Variants in FBXL20 observed in about 807,000 individuals in gnomAD.
The protein encoded by FBXL20 is F-box/LRR-repeat protein 20.
FBXL20 carries 11 observed loss-of-function variants against 64.0 expected under a neutral mutation model. The observed-to-expected ratio is 0.17, with a 90% CI of 0.11 to 0.28. The LOEUF (loss-of-function observed/expected upper bound fraction) is 0.28, where lower values mean the gene tolerates loss of function less well. FBXL20 is among the 10% of genes least tolerant of loss of function. The probability of loss-of-function intolerance (pLI) is 1.00; values close to 1 mark genes in which losing one functional copy is unlikely to be tolerated. For synonymous variants in FBXL20, 184 were observed against 189.0 expected (o/e 0.97, Z 0.22); for missense variants, 303 against 526.2 (o/e 0.58, Z 4.15).
At chr17:39,297,424 G>A (rs2047096196) in intron 5 of FBXL20, 2 of 296,024 alleles carry the variant, frequency 6.8e-6, no homozygotes, top group African/African-American at 2.2e-5. Context: ...TTGGTGAGAA[G>A]TAATCGCGGT....
chr17:39,322,890 C>T (rs1036005628), intron 2 of FBXL20, among the ~76,000 whole-genome samples: 2 of 151,956 alleles, frequency 1.3e-5, no homozygotes, highest in Admixed American at 6.6e-5. Context: ...CTGCAAGCTC[C>T]GCCTCCCGGG....
chr17:39,308,989 G>C (rs1007412881), intron 2 of FBXL20, among the ~76,000 whole-genome samples: 8 of 152,138 alleles, frequency 5.3e-5, no homozygotes, highest in African/African-American at 1.9e-4. Context: ...GTGCCACCAC[G>C]CCTGACTAAT....
At chr17:39,400,188 AG>A (rs1465863269) in intron 1 of FBXL20, among the ~76,000 whole-genome samples, 1 of 152,232 alleles carries the variant, frequency 6.6e-6, no homozygotes, top group African/African-American at 2.4e-5. Flanking sequence ...GAAGTGCAAC[AG>A]TAACACTGAA....
intron 1 of FBXL20, among the ~76,000 whole-genome samples, chr17:39,360,080 TA>T (rs2047780095): frequency 6.6e-6 from 1 of 152,098 alleles, no homozygotes; most frequent in Admixed American, 6.6e-5. Flanking sequence ...TATTTAGTAT[TA>T]AAAATGAAAA....
chr17:39,333,402 C>T (rs1300320075), intron 2 of FBXL20, among the ~76,000 whole-genome samples: 1 of 152,222 alleles, frequency 6.6e-6, no homozygotes, highest in Non-Finnish European at 1.5e-5. Context: ...CAGCCTCGGC[C>T]TCCCGAGGTG....
chr17:39,321,881 T>C (rs995874214), intron 2 of FBXL20, among the ~76,000 whole-genome samples: 1 of 151,958 alleles, frequency 6.6e-6, no homozygotes, highest in Non-Finnish European at 1.5e-5. Context: ...TTGAATTTAG[T>C]ACAAGGAAAT....
At chr17:39,313,012 G>A (rs1160374510) in intron 2 of FBXL20, among the ~76,000 whole-genome samples, 3 of 143,358 alleles carry the variant, frequency 2.1e-5, no homozygotes, top group African/African-American at 8.0e-5. Flanking sequence ...TCTGTCTCCC[G>A]GGTTCAAGCG....
intron 6 of FBXL20, among the ~76,000 whole-genome samples, chr17:39,286,199 T>C (rs1281142785): frequency 1.3e-5 from 2 of 152,198 alleles, no homozygotes; most frequent in Admixed American, 1.3e-4. Context: ...GTACCATCAG[T>C]AAACTTCAAC....
chr17:39,277,707 T>C (rs1193834110), intron 9 of FBXL20, among the ~76,000 whole-genome samples: 6 of 137,298 alleles, frequency 4.4e-5, no homozygotes, highest in Non-Finnish European at 9.0e-5. Flanking sequence ...TGAGCCAAGA[T>C]CATGTCATTG....
rs1409400356 is a variant in FBXL20 at position 39,257,589 on chromosome 17, C to G, written c.*3871G>C. On this transcript the variant is annotated 3_prime_UTR_variant, in exon 15 of 15. Transcript: ENST00000264658. Reference sequence around the variant, plus strand: ...CCAAATATTGGAAAAAGGGCTAAGGCCATATCCCTTTCTTCCTCATATCCA... The same window carrying G: ...CCAAATATTGGAAAAAGGGCTAAGGGCATATCCCTTTCTTCCTCATATCCA... 6.6e-6 allele frequency: 1 copy of G among 152,238 alleles called. No individual in the cohort carries two copies. The highest frequency in any genetic ancestry group is 2.4e-5 in the African/African-American group (1 of 41,464). The allele number at this position is 152,238 out of a possible 1,614,324, so 9.4% of individuals were successfully genotyped here.
intron 2 of FBXL20, among the ~76,000 whole-genome samples, chr17:39,320,607 T>TC (rs1451651864): frequency 6.6e-6 from 1 of 151,822 alleles, no homozygotes; most frequent in Non-Finnish European, 1.5e-5. Context: ...TTTTTTTTTT[T>TC]TTTTGAGATA....
At chr17:39,286,914 T>C (rs924260521) in intron 6 of FBXL20, among the ~76,000 whole-genome samples, 12 of 148,646 alleles carry the variant, frequency 8.1e-5, no homozygotes, top group African/African-American at 1.5e-4. Flanking sequence ...TATTTCTTTT[T>C]TTTTTTTTTT....
At chr17:39,379,539 G>A (rs1302459224) in intron 1 of FBXL20, among the ~76,000 whole-genome samples, 1 of 150,126 alleles carries the variant, frequency 6.7e-6, no homozygotes, top group Non-Finnish European at 1.5e-5. Context: ...TCCCACTTTG[G>A]GAGGTCAAGG....
chr17:39,309,741 G>A (rs574113601), intron 2 of FBXL20, among the ~76,000 whole-genome samples: 3 of 147,714 alleles, frequency 2.0e-5, no homozygotes, highest in African/African-American at 5.0e-5. Context: ...GCAGTGAGCC[G>A]AGATCATGCC....
chr17:39,319,402 C>T (rs1217028841), intron 2 of FBXL20, among the ~76,000 whole-genome samples: 3 of 151,836 alleles, frequency 2.0e-5, no homozygotes, highest in Non-Finnish European at 4.4e-5. Flanking sequence ...AAAAGGATAG[C>T]AGGGCTGGGC....
At chr17:39,288,260 G>A (rs182960457) in intron 6 of FBXL20, among the ~76,000 whole-genome samples, 23 of 152,020 alleles carry the variant, frequency 1.5e-4, no homozygotes, top group East Asian at 9.7e-4. Flanking sequence ...GTGAGCCACC[G>A]CACCTGGTGT....
chr17:39,271,597 CAAAAAAAAAAA>C (rs11362087), intron 10 of FBXL20, among the ~76,000 whole-genome samples: 1 of 50,774 alleles, frequency 2.0e-5, no homozygotes, highest in African/African-American at 8.7e-5. Context: ...GGCTCCGACT[CAAAAAAAAAAA>C]AAAAAAAAAA....
chr17:39,256,359 G>A lies in FBXL20; in HGVS notation c.*5101C>T, dbSNP rs940954791. 2 of 151,170 alleles carry A rather than the reference G, an allele frequency of 1.3e-5. No individual in the cohort carries two copies. The highest frequency in any genetic ancestry group is 6.6e-5 in the Admixed American group (1 of 15,148). 9.4% of individuals were successfully genotyped at this position (151,170 alleles called of 1,614,324 possible). The stretch of plus-strand genomic sequence containing the variant: ...AAAAAAAGAAATATAGGCGAGGAAA[G>A]GCTGTGACTCCATTTTTCCCCATTA... On this transcript the variant is annotated 3_prime_UTR_variant, in exon 15 of 15. Transcript: ENST00000264658.
At chr17:39,338,154 G>A (rs1321032653) in intron 2 of FBXL20, among the ~76,000 whole-genome samples, 2 of 152,248 alleles carry the variant, frequency 1.3e-5, no homozygotes, top group African/African-American at 4.8e-5. Context: ...TGTGTAGAAG[G>A]AAGTAGACAT....
Sources: gnomAD v4.1 joint callset for allele counts (sites outside exome capture counted in the v4.1 genomes callset) on GRCh38, gnomAD v4.1.1 for gene constraint, MANE v1.5 for transcripts, NCBI Gene and HGNC (gene_info 2026-07-23, HGNC 2026-07-21) for gene names.